Variants in CUX1 observed in about 807,000 individuals in gnomAD.
CUX1 encodes the protein cut like homeobox 1, also known as protein CASP.
Under a neutral mutation model 158.8 loss-of-function variants are expected in CUX1, and 31 were observed. The observed-to-expected ratio is 0.20, with a 90% CI of 0.15 to 0.26. The LOEUF is 0.26. Among genes scored for constraint, CUX1 ranks in the 10% least tolerant of loss-of-function variants. CUX1 has a pLI of 1.00. For synonymous variants in CUX1, 879 were observed against 862.1 expected, an observed-to-expected ratio of 1.02 and a Z score of -0.34; for missense variants, 1,589 against 2,014.6, an observed-to-expected ratio of 0.79 and a Z score of 4.04.
intron 3 of CUX1, among the ~76,000 whole-genome samples, chr7:102,037,231 C>T (rs986645502): frequency 6.6e-6 from 1 of 152,178 alleles, no homozygotes. Context: ...AGTTGGAGCC[C>T]TACCTTACAC....
At chr7:102,025,372 A>G (rs1313968778) in intron 2 of CUX1, among the ~76,000 whole-genome samples, 2 of 152,200 alleles carry the variant, frequency 1.3e-5, no homozygotes, top group Non-Finnish European at 2.9e-5. Context: ...CACGCCTGTA[A>G]TCCACAGCAC....
At position 102,256,143 on chromosome 7, in the gene CUX1, G is replaced by C. The variant is rs1563503815; in HGVS notation, c.*7101G>C. The C allele has an allele frequency of 1.0e-6, 1 of 985,330 alleles. No homozygotes were observed. Among genetic ancestry groups the C allele is most frequent in the Non-Finnish European group, 1.2e-6 (1 of 829,956 alleles). The allele number at this position is 985,330 out of a possible 1,614,324, so 61.0% of individuals were successfully genotyped here. A position where few individuals can be genotyped will look rare whatever the true frequency, so the allele number is the denominator to read the frequency against. ...CCGCGGGCTCTGGCCGGAGCCGCTG[G>C]CCTGACGAGGCAGGATAGGGAGTAT... On this transcript the variant is annotated 3_prime_UTR_variant, in exon 24 of 24. Transcript: ENST00000292535.
At chr7:101,845,111 T>G (rs1428537384) in intron 1 of CUX1, among the ~76,000 whole-genome samples, 1 of 152,098 alleles carries the variant, frequency 6.6e-6, no homozygotes, top group Admixed American at 6.6e-5. Flanking sequence ...GGACACCCAC[T>G]GTACAGGTGT....
chr7:101,960,592 G>C (rs954966493), intron 2 of CUX1: 5 of 152,248 alleles, frequency 3.3e-5, no homozygotes, highest in Admixed American at 2.0e-4. Context: ...AGTGAGCAGA[G>C]ATGGCACCAC....
At chr7:101,909,907 A>G (rs1396194922) in intron 1 of CUX1, among the ~76,000 whole-genome samples, 1 of 152,086 alleles carries the variant, frequency 6.6e-6, no homozygotes, top group Non-Finnish European at 1.5e-5. Flanking sequence ...CCACTTTAAA[A>G]CAAACAACTG....
chr7:102,119,034 G>A (rs1831746748), intron 8 of CUX1, among the ~76,000 whole-genome samples: 1 of 152,214 alleles, frequency 6.6e-6, no homozygotes, highest in Non-Finnish European at 1.5e-5. Context: ...ACAGGCGTGA[G>A]CCACTGCACC....
chr7:101,869,760 C>T lies in CUX1; in HGVS notation c.31-46355C>T, dbSNP rs575619944. Reference sequence around the variant, plus strand: ...GGCTGCAGAGGAAGCGCAGGGGAGGCGCAGGGGAGGCCAGGCTCTGGCATT... The same window carrying T: ...GGCTGCAGAGGAAGCGCAGGGGAGGTGCAGGGGAGGCCAGGCTCTGGCATT... On this transcript the variant is annotated intron_variant, in intron 1 of 23. Coordinates refer to ENST00000292535, the MANE Select transcript of CUX1 (RefSeq NM_181552.4). The surrounding 1 kb of genome is among the most constrained non-coding windows in gnomAD (Gnocchi z 4.5). Among the ~76,000 whole-genome samples, 5 of 152,254 alleles carry T rather than the reference C, an allele frequency of 3.3e-5. No homozygotes were observed. Among genetic ancestry groups the T allele is most frequent in the East Asian group, 3.9e-4 (2 of 5,184 alleles).
intron 20 of CUX1, among the ~76,000 whole-genome samples, chr7:102,222,744 G>A (rs936376253): frequency 3.4e-5 from 5 of 147,666 alleles, no homozygotes; most frequent in African/African-American, 9.9e-5. Flanking sequence ...GCCACCAGCT[G>A]TACAGGGGCT....
In CUX1 at chr7:102,252,366, A is replaced by G; in HGVS notation, c.*3324A>G. On this transcript the variant is annotated 3_prime_UTR_variant, in exon 24 of 24. Transcript: ENST00000292535. ...CCTTCAGCAGGCTGGCATTCCAAGC[A>G]GTGGCCCCCGCAGGCAGCCGACCCC... 1 of 985,544 alleles carries G rather than the reference A, an allele frequency of 1.0e-6. No individual in the cohort carries two copies. The highest frequency in any genetic ancestry group is 1.2e-6 in the Non-Finnish European group (1 of 830,018). The allele number at this position is 985,544 out of a possible 1,614,324, so 61.0% of individuals were successfully genotyped here. A position where few individuals can be genotyped will look rare whatever the true frequency, so the allele number is the denominator to read the frequency against.
chr7:102,122,529 G>GTC (rs1832157490), intron 8 of CUX1, among the ~76,000 whole-genome samples: 1 of 151,944 alleles, frequency 6.6e-6, no homozygotes, highest in Non-Finnish European at 1.5e-5. Context: ...GATTTTCCTT[G>GTC]TCTTTTGTAG....
chr7:102,098,423 G>C (rs73187803), intron 5 of CUX1, among the ~76,000 whole-genome samples: 32,731 of 151,944 alleles, frequency 0.22, 3,912 homozygotes, highest in Non-Finnish European at 0.27. Context: ...ACCAGCCTCG[G>C]AAACGTAGCA....
intron 1 of CUX1, among the ~76,000 whole-genome samples, chr7:101,820,444 A>G (rs746397283): frequency 1.7e-4 from 26 of 152,270 alleles, no homozygotes; most frequent in Non-Finnish European, 3.1e-4. Context: ...CACAAATGGT[A>G]TGTAAAAGGC....
intron 1 of CUX1, among the ~76,000 whole-genome samples, chr7:101,837,439 C>G (rs1026439224): frequency 6.6e-6 from 1 of 152,088 alleles, no homozygotes; most frequent in South Asian, 2.1e-4. Flanking sequence ...GTGAATCTTA[C>G]CTCCTCTGTG....
At chr7:102,060,142 G>A (rs907647034) in intron 3 of CUX1, among the ~76,000 whole-genome samples, 1 of 152,110 alleles carries the variant, frequency 6.6e-6, no homozygotes, top group African/African-American at 2.4e-5. Context: ...GCTGGGCGTG[G>A]TAGTGGGCGC....
chr7:101,972,577 C>T (rs920844900), intron 2 of CUX1, among the ~76,000 whole-genome samples: 1 of 152,216 alleles, frequency 6.6e-6, no homozygotes, highest in Non-Finnish European at 1.5e-5. Context: ...CACATCTGCC[C>T]TTTGCTCCTC....
intron 1 of CUX1, among the ~76,000 whole-genome samples, chr7:101,844,969 C>G (rs148551839): frequency 0.019 from 2,951 of 152,258 alleles, 47 homozygotes; most frequent in South Asian, 0.058. Flanking sequence ...TTTCTTCCAC[C>G]TACCTATCTT....
intron 1 of CUX1, among the ~76,000 whole-genome samples, chr7:101,893,020 C>CGA (rs1801054656): frequency 6.6e-6 from 1 of 151,884 alleles, no homozygotes; most frequent in Non-Finnish European, 1.5e-5. Flanking sequence ...AGAGAAATAC[C>CGA]GTCTTCTTGT....
At chr7:102,044,970 C>T (rs765589530) in intron 3 of CUX1, among the ~76,000 whole-genome samples, 1 of 152,250 alleles carries the variant, frequency 6.6e-6, no homozygotes, top group African/African-American at 2.4e-5. Context: ...TATGTCTGTC[C>T]GCAGGCTCTT....
chr7:102,175,076 G>C (rs79638282), intron 10 of CUX1, among the ~76,000 whole-genome samples: 9,917 of 152,308 alleles, frequency 0.065, 445 homozygotes, highest in African/African-American at 0.12. Context: ...GATTTTTGCT[G>C]TTTTATGAAG....
Sources: gnomAD v4.1 joint callset for allele counts (sites outside exome capture counted in the v4.1 genomes callset) on GRCh38, gnomAD v4.1.1 for gene constraint, Gnocchi (gnomAD v3.1) non-coding constraint, MANE v1.5 for transcripts, NCBI Gene and HGNC (gene_info 2026-07-23, HGNC 2026-07-21) for gene names.